HOXD9: variants seen among roughly 807,000 people sequenced by gnomAD.
HOXD9 encodes the protein homeobox protein Hox-D9.
A neutral mutation model predicts 24.6 loss-of-function variants in HOXD9; 21 were observed. That is an observed-to-expected ratio of 0.85 (90% CI 0.61 to 1.23). The LOEUF (loss-of-function observed/expected upper bound fraction) is 1.23. Ranked by LOEUF, HOXD9 falls within the 50% of genes most tolerant of loss-of-function variation. The pLI, the probability that HOXD9 is intolerant of heterozygous loss-of-function variation, is 0.00. For missense variants in HOXD9, 503 were observed against 503.6 expected (o/e 1.00, Z 0.01); for synonymous variants, 240 against 226.4 (o/e 1.06, Z -0.54).
Position 176,122,920 on chromosome 2 carries a change from G to C in HOXD9, c.152G>C (p.Gly51Ala). Residue 51 changes from glycine (G) to alanine (A), a missense_variant, in exon 1 of 2, where the codon GGT (glycine) becomes GCT (alanine). By Grantham distance (60) the Gly-to-Ala change is moderately conservative (BLOSUM62 0). Coordinates refer to ENST00000249499, the MANE Select transcript of HOXD9 (RefSeq NM_014213.4). The part of the protein sequence containing the change: ...PGPGAQGRPA[G>A]VADGPAATAA... The stretch of plus-strand genomic sequence containing the variant: ...CCAGGCGCGCAGGGCCGGCCTGCAG[G>C]TGTGGCTGATGGCCCGGCCGCCACC... 6.3e-7 allele frequency: 1 copy of C among 1,587,080 alleles called. No individual in the cohort carries two copies. The highest frequency in any genetic ancestry group is 1.4e-5 in the African/African-American group (1 of 72,202).
Position 176,124,672 on chromosome 2 carries a change from G to A in HOXD9, c.*497G>A, listed in dbSNP as rs1219704116. 1 of 153,766 alleles carries A rather than the reference G, an allele frequency of 6.5e-6. No individual in the cohort carries two copies. The highest frequency in any genetic ancestry group is 6.5e-5 in the Admixed American group (1 of 15,424). 9.5% of individuals were successfully genotyped at this position (153,766 alleles called of 1,614,324 possible). ...TGAAGCCCGGCGGGGTTGCCCACCA[G>A]TTGCGAAAGCCCCCTTTCCTCAGGG... On this transcript the variant is annotated 3_prime_UTR_variant, in exon 2 of 2. Coordinates refer to ENST00000249499, the MANE Select transcript of HOXD9 (RefSeq NM_014213.4).
At position 176,122,803 on chromosome 2, in the gene HOXD9, C is replaced by G; in HGVS notation, c.35C>G (p.Ser12Cys). Residue 12 changes from serine to cysteine, a missense_variant, in exon 1 of 2, where the codon TCT (serine) becomes TGT (cysteine). Physicochemically the swap from Ser to Cys is moderately radical, Grantham distance 112 (BLOSUM62 -1). Coordinates refer to ENST00000249499, the MANE Select transcript of HOXD9 (RefSeq NM_014213.4). ...GGGAGTGCGGGACGCCTCAAAATGTCTTCCAGTGGCACCCTCAGCAACTAC... is the reference window on the plus strand; with the variant it reads ...GGGAGTGCGGGACGCCTCAAAATGTGTTCCAGTGGCACCCTCAGCAACTAC... ...LGGSAGRLKM[S>C]SSGTLSNYYV... 1 of 1,539,710 alleles carries G rather than the reference C, an allele frequency of 6.5e-7. No homozygotes were observed. Among genetic ancestry groups the G allele is most frequent in the Non-Finnish European group, 8.7e-7 (1 of 1,149,402 alleles).
chr2:176,124,352 G>T lies in HOXD9; in HGVS notation c.*177G>T. ...GTGTGGTTGGTCTCTGAGGTATTTG[G>T]GGGACTCTGTATTTGCTCGTTTACG... On this transcript the variant is annotated 3_prime_UTR_variant, in exon 2 of 2. Coordinates refer to ENST00000249499, the MANE Select transcript of HOXD9 (RefSeq NM_014213.4). 1 of 956,008 alleles carries T rather than the reference G, an allele frequency of 1.0e-6. No homozygotes were observed. Among genetic ancestry groups the T allele is most frequent in the Non-Finnish European group, 1.4e-6 (1 of 690,090 alleles). The allele number at this position is 956,008 out of a possible 1,614,324, so 59.2% of individuals were successfully genotyped here. A position where few individuals can be genotyped will look rare whatever the true frequency, so the allele number is the denominator to read the frequency against.
rs1227831658 is a variant in HOXD9 at position 176,123,503 on chromosome 2, C to T, written c.735C>T (p.Cys245=). Reference sequence around the variant, plus strand: ...GCGGCTCGTCGGAGCCCTCAGCTTGCAGCGACCACCCGATCCCAGGCTGTT... The same window carrying T: ...GCGGCTCGTCGGAGCCCTCAGCTTGTAGCGACCACCCGATCCCAGGCTGTT... ...GTGGSSEPSA[C]SDHPIPGCSL... The change falls in exon 1 of 2, where the codon TGC becomes TGT. Residue 245 remains cysteine, a synonymous_variant. Transcript: ENST00000249499. The surrounding 1 kb of genome is among the most constrained non-coding windows in gnomAD (Gnocchi z 4.2). The T allele has an allele frequency of 2.0e-6, 3 of 1,526,676 alleles. No homozygotes were observed. Among genetic ancestry groups the T allele is most frequent in the Admixed American group, 3.8e-5 (2 of 52,022 alleles). 94.6% of individuals were successfully genotyped at this position (1,526,676 alleles called of 1,614,324 possible).
In HOXD9 at chr2:176,123,440, C is replaced by G; in HGVS notation, c.672C>G (p.Thr224=). 1 of 1,566,070 alleles carries G rather than the reference C, an allele frequency of 6.4e-7. No homozygotes were observed. ...AGGCGGCAGCGGCGACGGGGGGAACCGGGCCTGGGGCAGGGATCGGGGCCG... is the reference window on the plus strand; with the variant it reads ...AGGCGGCAGCGGCGACGGGGGGAACGGGGCCTGGGGCAGGGATCGGGGCCG... The part of the protein sequence containing the change: ...QEKAAAATGG[T]GPGAGIGAAT... The change falls in exon 1 of 2, where the codon ACC becomes ACG. Residue 224 remains threonine, a synonymous_variant. Transcript: ENST00000249499. The surrounding 1 kb of genome is among the most constrained non-coding windows in gnomAD (Gnocchi z 4.2).
rs1689919677 is a variant in HOXD9 at position 176,123,508 on chromosome 2, A to AT, written c.740_741insT (p.His248ProfsTer24). 1.3e-6 allele frequency: 2 copies of AT among 1,527,152 alleles called. No individual in the cohort carries two copies. Among genetic ancestry groups the AT allele is most frequent in the Non-Finnish European group, 1.8e-6 (2 of 1,132,634 alleles). 94.6% of individuals were successfully genotyped at this position (1,527,152 alleles called of 1,614,324 possible). A position where few individuals can be genotyped will look rare whatever the true frequency, so the allele number is the denominator to read the frequency against. On this transcript the variant is annotated frameshift_variant, in exon 1 of 2. Coordinates refer to ENST00000249499, the MANE Select transcript of HOXD9 (RefSeq NM_014213.4). LOFTEE classifies it high-confidence loss of function. The surrounding 1 kb of genome is among the most constrained non-coding windows in gnomAD (Gnocchi z 4.2). ...TCGTCGGAGCCCTCAGCTTGCAGCG[A>AT]CCACCCGATCCCAGGCTGTTCGCTG...
Position 176,123,082 on chromosome 2 carries a change from T to A in HOXD9, c.314T>A (p.Leu105Gln), listed in dbSNP as rs1661999047. Residue 105 changes from leucine to glutamine, a missense_variant, in exon 1 of 2, where the codon CTG (leucine) becomes CAG (glutamine). Leu to Gln is a moderately radical substitution (Grantham distance 113, BLOSUM62 -2). Transcript: ENST00000249499. The surrounding 1 kb of genome is among the most constrained non-coding windows in gnomAD (Gnocchi z 4.2). ...LYHPYVPPPPLAASASEPGRY... is the reference protein window; with the variant it reads ...LYHPYVPPPPQAASASEPGRY... ...CACCCGTACGTTCCCCCGCCGCCCC[T>A]GGCCGCCTCTGCCTCCGAGCCCGGC... 2 of 1,552,016 alleles carry A rather than the reference T, an allele frequency of 1.3e-6. No individual in the cohort carries two copies. The highest frequency in any genetic ancestry group is 1.7e-6 in the Non-Finnish European group (2 of 1,154,130).
rs963709815 is a variant in HOXD9 at position 176,122,903 on chromosome 2, G to C, written c.135G>C (p.Ala45=). 6.3e-7 allele frequency: 1 copy of C among 1,587,994 alleles called. No homozygotes were observed. Among genetic ancestry groups the C allele is most frequent in the Non-Finnish European group, 8.6e-7 (1 of 1,168,814 alleles). ...AARFGPPGPG[A]QGRPAGVADG... ...GCTTCGGGCCGCCGGGGCCAGGCGC[G>C]CAGGGCCGGCCTGCAGGTGTGGCTG... is the stretch of plus-strand genomic sequence containing the variant. The change falls in exon 1 of 2, where the codon GCG becomes GCC. Residue 45 remains alanine, a synonymous_variant. Transcript: ENST00000249499.
In HOXD9 at chr2:176,124,362, T is replaced by A; in HGVS notation, c.*187T>A. The A allele has an allele frequency of 1.2e-6, 1 of 823,608 alleles. No homozygotes were observed. The highest frequency in any genetic ancestry group is 1.7e-6 in the Non-Finnish European group (1 of 583,694). The allele number at this position is 823,608 out of a possible 1,614,324, so 51.0% of individuals were successfully genotyped here. ...TCTCTGAGGTATTTGGGGGACTCTGTATTTGCTCGTTTACGTGTTGGAAAA... is the reference window on the plus strand; with the variant it reads ...TCTCTGAGGTATTTGGGGGACTCTGAATTTGCTCGTTTACGTGTTGGAAAA... On this transcript the variant is annotated 3_prime_UTR_variant, in exon 2 of 2. Transcript: ENST00000249499.
Position 176,122,853 on chromosome 2 carries a change from G to A in HOXD9, c.85G>A (p.Glu29Lys). The change falls in exon 1 of 2, where the codon GAG becomes AAG. Residue 29 changes from glutamate to lysine, a missense_variant. Coordinates refer to ENST00000249499, the MANE Select transcript of HOXD9 (RefSeq NM_014213.4). The stretch of plus-strand genomic sequence containing the variant: ...CTACGTGGACTCGCTTATAGGCCAT[G>A]AGGGCGACGAGGTGTTCGCGGCGCG... ...NYYVDSLIGHEGDEVFAARFG... is the reference protein window; with the variant it reads ...NYYVDSLIGHKGDEVFAARFG... 2 of 1,593,596 alleles carry A rather than the reference G, an allele frequency of 1.3e-6. No individual in the cohort carries two copies. Among genetic ancestry groups the A allele is most frequent in the Non-Finnish European group, 1.7e-6 (2 of 1,171,722 alleles).
Position 176,123,357 on chromosome 2 carries a change from C to T in HOXD9, c.589C>T (p.Arg197Trp). The T allele has an allele frequency of 6.4e-7, 1 of 1,550,440 alleles. No individual in the cohort carries two copies. Among genetic ancestry groups the T allele is most frequent in the Non-Finnish European group, 8.7e-7 (1 of 1,146,914 alleles). ...CAAACGGACTGAGTGCTCCGTGGCC[C>T]GGGAGTCCCAGGGGAGCAGCGGCCC... is the stretch of plus-strand genomic sequence containing the variant. Reference protein sequence around the residue: ...SSKRTECSVARESQGSSGPEF... With the variant: ...SSKRTECSVAWESQGSSGPEF... The change falls in exon 1 of 2, where the codon CGG becomes TGG. Residue 197 changes from arginine to tryptophan, a missense_variant. Physicochemically the swap from Arg to Trp is moderately radical, Grantham distance 101 (BLOSUM62 -3). Coordinates refer to ENST00000249499, the MANE Select transcript of HOXD9 (RefSeq NM_014213.4). The surrounding 1 kb of genome is among the most constrained non-coding windows in gnomAD (Gnocchi z 4.2).
chr2:176,123,814 G>A lies in HOXD9; in HGVS notation c.818-120G>A. 2 of 1,059,728 alleles carry A rather than the reference G, an allele frequency of 1.9e-6. No individual in the cohort carries two copies. Among genetic ancestry groups the A allele is most frequent in the Non-Finnish European group, 2.7e-6 (2 of 736,478 alleles). The allele number at this position is 1,059,728 out of a possible 1,614,324, so 65.6% of individuals were successfully genotyped here. A position where few individuals can be genotyped will look rare whatever the true frequency, so the allele number is the denominator to read the frequency against. Reference sequence around the variant, plus strand: ...GGCTTTTTATGATAATTCCCCACAAGTTGTGAAAAGCGACCATCCTTGGTG... The same window carrying A: ...GGCTTTTTATGATAATTCCCCACAAATTGTGAAAAGCGACCATCCTTGGTG... On this transcript the variant is annotated intron_variant, in intron 1 of 1. Transcript: ENST00000249499. This position sits in a 1 kb window ranked among gnomAD's most constrained non-coding sequence, Gnocchi z 4.2.
In HOXD9 at chr2:176,122,730, C is replaced by G. The variant is rs760904643; in HGVS notation, c.-39C>G. On this transcript the variant is annotated 5_prime_UTR_variant, in exon 1 of 2. Coordinates refer to ENST00000249499, the MANE Select transcript of HOXD9 (RefSeq NM_014213.4). Reference sequence around the variant, plus strand: ...GCAGCCTGCGAACTAGTCGGTGGCTCGGGCGCCGGCGGGGAGCTGCTCGGC... The same window carrying G: ...GCAGCCTGCGAACTAGTCGGTGGCTGGGGCGCCGGCGGGGAGCTGCTCGGC... 6.9e-7 allele frequency: 1 copy of G among 1,454,222 alleles called. No homozygotes were observed. The highest frequency in any genetic ancestry group is 9.1e-7 in the Non-Finnish European group (1 of 1,104,786). The allele number at this position is 1,454,222 out of a possible 1,614,324, so 90.1% of individuals were successfully genotyped here.
At position 176,123,560 on chromosome 2, in the gene HOXD9, G is replaced by C. The variant is rs768373583; in HGVS notation, c.792G>C (p.Gln264His). 14 of 1,469,382 alleles carry C rather than the reference G, an allele frequency of 9.5e-6. 1 individual carries two copies. The Admixed American group carries it at 1.3e-4, about 13-fold the overall frequency. The allele number at this position is 1,469,382 out of a possible 1,614,324, so 91.0% of individuals were successfully genotyped here. The stretch of plus-strand genomic sequence containing the variant: ...AGGAGGAGGAGAAGCAGCATTCGCA[G>C]CCGCAGCAGCAGCAACTTGACCCAA... ...SLKEEEKQHSQPQQQQLDPNN... is the reference protein window; with the variant it reads ...SLKEEEKQHSHPQQQQLDPNN... The change falls in exon 1 of 2, where the codon CAG becomes CAC. Residue 264 changes from glutamine to histidine, a missense_variant. Transcript: ENST00000249499. This position sits in a 1 kb window ranked among gnomAD's most constrained non-coding sequence, Gnocchi z 4.2.
chr2:176,122,738 G>C lies in HOXD9; in HGVS notation c.-31G>C. 6.9e-7 allele frequency: 1 copy of C among 1,455,652 alleles called. No individual in the cohort carries two copies. Among genetic ancestry groups the C allele is most frequent in the Non-Finnish European group, 9.0e-7 (1 of 1,105,316 alleles). 90.2% of individuals were successfully genotyped at this position (1,455,652 alleles called of 1,614,324 possible). On this transcript the variant is annotated 5_prime_UTR_variant, in exon 1 of 2. Transcript: ENST00000249499. ...CGAACTAGTCGGTGGCTCGGGCGCC[G>C]GCGGGGAGCTGCTCGGCGGCGGACA...
rs1480237192 is a variant in HOXD9, at chr2:176,123,274, C to T, written c.506C>T (p.Ala169Val). 2 of 1,528,822 alleles carry T rather than the reference C, an allele frequency of 1.3e-6. No homozygotes were observed. The highest frequency in any genetic ancestry group is 1.2e-5 in the South Asian group (1 of 82,094). 94.7% of individuals were successfully genotyped at this position (1,528,822 alleles called of 1,614,324 possible). Reference protein sequence around the residue: ...GIKPETRAAPAPATAASTTSS... With the variant: ...GIKPETRAAPVPATAASTTSS... ...AAGCCTGAAACCCGAGCGGCCCCGG[C>T]CCCCGCCACGGCCGCCTCCACCACC... The change falls in exon 1 of 2, where the codon GCC (alanine) becomes GTC (valine). Residue 169 changes from alanine to valine, a missense_variant. By Grantham distance (64) the Ala-to-Val change is moderately conservative. Transcript: ENST00000249499. This position sits in a 1 kb window ranked among gnomAD's most constrained non-coding sequence, Gnocchi z 4.2.
Position 176,122,741 on chromosome 2 carries a change from G to C in HOXD9, c.-28G>C, listed in dbSNP as rs747684914. On this transcript the variant is annotated 5_prime_UTR_variant, in exon 1 of 2. Transcript: ENST00000249499. ...ACTAGTCGGTGGCTCGGGCGCCGGCGGGGAGCTGCTCGGCGGCGGACAGTG... is the reference window on the plus strand; with the variant it reads ...ACTAGTCGGTGGCTCGGGCGCCGGCCGGGAGCTGCTCGGCGGCGGACAGTG... 1.9e-5 allele frequency: 28 copies of C among 1,456,808 alleles called. No homozygotes were observed. The highest frequency in any genetic ancestry group is 4.5e-6 in the Non-Finnish European group (5 of 1,105,896). The allele number at this position is 1,456,808 out of a possible 1,614,324, so 90.2% of individuals were successfully genotyped here.
chr2:176,124,344 G>A lies in HOXD9; in HGVS notation c.*169G>A, dbSNP rs1034377905. 3.0e-6 allele frequency: 3 copies of A among 998,012 alleles called. No individual in the cohort carries two copies. Among genetic ancestry groups the A allele is most frequent in the Non-Finnish European group, 4.1e-6 (3 of 724,248 alleles). 61.8% of individuals were successfully genotyped at this position (998,012 alleles called of 1,614,324 possible). A position where few individuals can be genotyped will look rare whatever the true frequency, so the allele number is the denominator to read the frequency against. ...AAGTGACTGTGTGGTTGGTCTCTGA[G>A]GTATTTGGGGGACTCTGTATTTGCT... is the stretch of plus-strand genomic sequence containing the variant. On this transcript the variant is annotated 3_prime_UTR_variant, in exon 2 of 2. Coordinates refer to ENST00000249499, the MANE Select transcript of HOXD9 (RefSeq NM_014213.4).
At position 176,123,416 on chromosome 2, in the gene HOXD9, G is replaced by A. The variant is rs1298318305; in HGVS notation, c.648G>A (p.Lys216=). The change falls in exon 1 of 2, where the codon AAG becomes AAA. Residue 216 remains lysine, a synonymous_variant. Coordinates refer to ENST00000249499, the MANE Select transcript of HOXD9 (RefSeq NM_014213.4). The surrounding 1 kb of genome is among the most constrained non-coding windows in gnomAD (Gnocchi z 4.2). ...EFSCNSFLQE[K]AAAATGGTGP... ...CGTGCAACTCGTTCCTGCAGGAGAA[G>A]GCGGCAGCGGCGACGGGGGGAACCG... 6 of 1,557,270 alleles carry A rather than the reference G, an allele frequency of 3.9e-6. No homozygotes were observed. The highest frequency in any genetic ancestry group is 5.2e-6 in the Non-Finnish European group (6 of 1,150,866).
Sources: allele counts gnomAD v4.1 joint callset, GRCh38; gene constraint gnomAD v4.1.1; non-coding constraint Gnocchi (gnomAD v3.1); transcripts MANE v1.5; gene names NCBI Gene and HGNC (gene_info 2026-07-23, HGNC 2026-07-21).